PDE11A: variants seen among roughly 807,000 people sequenced by gnomAD.
PDE11A encodes phosphodiesterase 11A.
PDE11A carries 100 observed loss-of-function variants against 100.5 expected under a neutral mutation model. That is an observed-to-expected ratio of 1.00 (90% CI 0.85 to 1.18). The LOEUF is 1.18. Ranked by LOEUF, PDE11A falls within the 50% of genes most tolerant of loss-of-function variation. The probability of loss-of-function intolerance (pLI) is 0.00; values close to 1 mark genes in which losing one functional copy is unlikely to be tolerated. For missense variants in PDE11A, 1,141 were observed against 1,152.6 expected, an observed-to-expected ratio of 0.99 and a Z score of 0.15; for synonymous variants, 381 against 420.8, an observed-to-expected ratio of 0.91 and a Z score of 1.16.
At chr2:177,950,229 T>TC (rs1397256893) in intron 2 of PDE11A, among the ~76,000 whole-genome samples, 1 of 152,120 alleles carries the variant, frequency 6.6e-6, no homozygotes, top group Non-Finnish European at 1.5e-5. Flanking sequence ...TTCCCATTTT[T>TC]TTTTTGCACC....
chr2:177,637,979 G>GTATATATA (rs1191837108), intron 19 of PDE11A, among the ~76,000 whole-genome samples: 21 of 50,932 alleles, frequency 4.1e-4, no homozygotes, highest in African/African-American at 1.2e-3. Context: ...ATATACACGT[G>GTATATATA]TATATATATA....
intron 1 of PDE11A, among the ~76,000 whole-genome samples, chr2:178,031,799 T>C (rs12477170): frequency 0.5 from 76,403 of 151,914 alleles, 19,996 homozygotes; most frequent in East Asian, 0.71. Context: ...TGTGTGTGTA[T>C]GTGTGAAACT....
In PDE11A at chr2:177,981,469, CTT is replaced by C. The variant is rs1466721310; in HGVS notation, c.1071+32831_1071+32832del. 2.0e-5 allele frequency among the ~76,000 whole-genome samples: 3 copies of C among 150,582 alleles called. 1 individual carries two copies. The highest frequency in any genetic ancestry group is 2.4e-5 in the African/African-American group (1 of 41,316). On this transcript the variant is annotated intron_variant, in intron 2 of 19. Coordinates refer to ENST00000286063, the MANE Select transcript of PDE11A (RefSeq NM_016953.4). ...TGGTTTATGGCAGCATAACTCCAGT[CTT>C]CACATGGCATTCTCCCTGTATCTCT...
intron 2 of PDE11A, among the ~76,000 whole-genome samples, chr2:177,936,748 C>T (rs2085278678): frequency 1.3e-5 from 2 of 152,078 alleles, no homozygotes; most frequent in South Asian, 4.1e-4. Flanking sequence ...TGGTGAAACC[C>T]TGTCTCTACT....
chr2:177,914,239 T>C (rs2084921527), intron 2 of PDE11A, among the ~76,000 whole-genome samples: 1 of 152,148 alleles, frequency 6.6e-6, no homozygotes, highest in Admixed American at 6.6e-5. Flanking sequence ...TAAGTACCCT[T>C]TATGTGCTAA....
intron 4 of PDE11A, among the ~76,000 whole-genome samples, chr2:177,878,704 T>C (rs1480320051): frequency 1.3e-5 from 2 of 152,130 alleles, no homozygotes; most frequent in African/African-American, 4.8e-5. Context: ...AAGCAGGAAA[T>C]TGCAGAACCG....
chr2:177,878,524 A>G (rs1348485391), intron 4 of PDE11A, among the ~76,000 whole-genome samples: 1 of 152,190 alleles, frequency 6.6e-6, no homozygotes, highest in Non-Finnish European at 1.5e-5. Context: ...AAAGGGAGCC[A>G]AACCACATAG....
chr2:178,073,299 T>C (rs192655920), upstream of PDE11A, among the ~76,000 whole-genome samples: 11 of 152,294 alleles, frequency 7.2e-5, no homozygotes, highest in African/African-American at 2.6e-4. Context: ...GCTCAGTAAA[T>C]ATTAATGGAA....
chr2:177,954,093 A>G (rs1452534004), intron 2 of PDE11A, among the ~76,000 whole-genome samples: 1 of 151,464 alleles, frequency 6.6e-6, no homozygotes. Flanking sequence ...GCTCTTTCCT[A>G]TTCTCTTTGA....
chr2:177,832,709 G>T (rs1269807260), intron 6 of PDE11A, among the ~76,000 whole-genome samples: 1 of 152,052 alleles, frequency 6.6e-6, no homozygotes, highest in Non-Finnish European at 1.5e-5. Context: ...CAAAATGGAA[G>T]AGTTTAACTG....
intron 3 of PDE11A, among the ~76,000 whole-genome samples, chr2:177,899,224 G>T (rs929851718): frequency 6.6e-6 from 1 of 151,980 alleles, no homozygotes; most frequent in Non-Finnish European, 1.5e-5. Context: ...TGGCTAATAC[G>T]GTGAAACCCC....
In PDE11A at chr2:177,650,031, C is replaced by A. The variant is rs1055500724; in HGVS notation, c.2646+13835G>T. 7.2e-5 allele frequency among the ~76,000 whole-genome samples: 11 copies of A among 151,996 alleles called. 1 individual carries two copies. Among genetic ancestry groups the A allele is most frequent in the African/African-American group, 1.9e-4 (8 of 41,398 alleles). ...AGATCAAAAAAATTTAGTGCTTTAC[C>A]ACCATAATTCAAAAATAATTTTAAT... On this transcript the variant is annotated intron_variant, in intron 19 of 19. Coordinates refer to ENST00000286063, the MANE Select transcript of PDE11A (RefSeq NM_016953.4).
chr2:177,962,844 GA>G (rs11297475), intron 2 of PDE11A, among the ~76,000 whole-genome samples: 85,435 of 151,738 alleles, frequency 0.56, 26,718 homozygotes, highest in African/African-American at 0.84. Context: ...AAAAGCTAAA[GA>G]AAAAAAATCT....
rs141113714 is a variant in PDE11A at position 177,705,533 on chromosome 2, T to G, written c.2154-4322A>C. On this transcript the variant is annotated intron_variant, in intron 13 of 19. Transcript: ENST00000286063. ...ATAGGCAGCTCAATGAGGAGAAACTTATTAAAAAGAAAAGTCAAGGTGGAA... is the reference window on the plus strand; with the variant it reads ...ATAGGCAGCTCAATGAGGAGAAACTGATTAAAAAGAAAAGTCAAGGTGGAA... Among the ~76,000 whole-genome samples the G allele has an allele frequency of 2.0e-3, 305 of 152,282 alleles. 2 individuals carry two copies. The highest frequency in any genetic ancestry group is 3.4e-3 in the Non-Finnish European group (229 of 68,022).
At position 178,028,861 on chromosome 2, in the gene PDE11A, C is replaced by T. The variant is rs557929421; in HGVS notation, c.913-14401G>A. ...AATCTCAATTCATTTCTGAGGTGTT[C>T]CAGTAAAATGAGCAATCAATTTAAC... On this transcript the variant is annotated intron_variant, in intron 1 of 19. Coordinates refer to ENST00000286063, the MANE Select transcript of PDE11A (RefSeq NM_016953.4). Among the ~76,000 whole-genome samples, 4 of 152,212 alleles carry T rather than the reference C, an allele frequency of 2.6e-5. No individual in the cohort carries two copies. The East Asian group carries it at 7.7e-4, about 29-fold the overall frequency.
chr2:177,869,279 A>G (rs1048294713), intron 5 of PDE11A, among the ~76,000 whole-genome samples: 3 of 152,242 alleles, frequency 2.0e-5, no homozygotes, highest in Non-Finnish European at 4.4e-5. Context: ...AGGCTCTTAT[A>G]AGACCAAAAT....
At chr2:177,786,447 G>T (rs1384484889) in intron 9 of PDE11A, among the ~76,000 whole-genome samples, 1 of 152,064 alleles carries the variant, frequency 6.6e-6, no homozygotes, top group South Asian at 2.1e-4. Context: ...AAAAAACAGA[G>T]CAGAAAAACT....
At chr2:178,015,428 A>C (rs1367137464) in intron 1 of PDE11A, among the ~76,000 whole-genome samples, 1 of 152,170 alleles carries the variant, frequency 6.6e-6, no homozygotes, top group Non-Finnish European at 1.5e-5. Flanking sequence ...GAAAGACAAA[A>C]AAAAAGTTTT....
chr2:177,893,967 C>G (rs936958289), intron 4 of PDE11A, among the ~76,000 whole-genome samples: 1 of 152,084 alleles, frequency 6.6e-6, no homozygotes, highest in African/African-American at 2.4e-5. Flanking sequence ...GGTGGTCATT[C>G]TTGCTAATCT....
Sources: allele counts gnomAD v4.1 joint callset (sites outside exome capture counted in the v4.1 genomes callset), GRCh38; gene constraint gnomAD v4.1.1; transcripts MANE v1.5; gene names NCBI Gene and HGNC (gene_info 2026-07-23, HGNC 2026-07-21).